Variants in CTNNB1 observed in about 807,000 individuals in gnomAD.
The protein encoded by CTNNB1 is catenin beta-1.
In CTNNB1, 6 loss-of-function variants were observed where a neutral mutation model predicts 82.5. That is an observed-to-expected ratio of 0.07 (90% CI 0.04 to 0.14). CTNNB1 has a LOEUF of 0.14. Ranked by LOEUF, CTNNB1 falls within the 10% of genes least tolerant of loss-of-function variation. The pLI is 1.00. For synonymous variants in CTNNB1, 312 were observed against 329.7 expected, an observed-to-expected ratio of 0.95 and a Z score of 0.58; for missense variants, 529 against 980.4, an observed-to-expected ratio of 0.54 and a Z score of 6.15.
intron 1 of CTNNB1, among the ~76,000 whole-genome samples, chr3:41,210,782 CTG>C (rs1315693248): frequency 2.0e-5 from 3 of 151,914 alleles, no homozygotes; most frequent in Admixed American, 2.0e-4. Flanking sequence ...CTGGACATAA[CTG>C]TATATGCTAT....
intron 1 of CTNNB1, among the ~76,000 whole-genome samples, chr3:41,210,179 C>T (rs1343649084): frequency 5.3e-5 from 8 of 152,072 alleles, no homozygotes; most frequent in African/African-American, 1.4e-4. Flanking sequence ...ATGGGCCAGG[C>T]GCGGTGGCTC....
chr3:41,233,349 C>G lies in CTNNB1; in HGVS notation c.1090C>G (p.Gln364Glu), dbSNP rs1559474040. Residue 364 changes from glutamine to glutamate, a missense_variant, in exon 8 of 15, where the codon CAA becomes GAA. This residue lies in a region of CTNNB1 where 411 missense variants were observed against 776.4 expected (regional missense o/e 0.53). Transcript: ENST00000349496. ...CCTTTTTAATTTTCTAGGTGGAATGCAAGCTTTAGGACTTCACCTGACAGA... is the reference window on the plus strand; with the variant it reads ...CCTTTTTAATTTTCTAGGTGGAATGGAAGCTTTAGGACTTCACCTGACAGA... Reference protein sequence around the residue: ...KPAIVEAGGMQALGLHLTDPS... With the variant: ...KPAIVEAGGMEALGLHLTDPS... The G allele has an allele frequency of 6.2e-7, 1 of 1,614,138 alleles. No homozygotes were observed. Among genetic ancestry groups the G allele is most frequent in the Non-Finnish European group, 8.5e-7 (1 of 1,180,002 alleles).
At chr3:41,208,534 A>T (rs2077701697) in intron 1 of CTNNB1, among the ~76,000 whole-genome samples, 2 of 152,168 alleles carry the variant, frequency 1.3e-5, no homozygotes, top group Non-Finnish European at 2.9e-5. Context: ...CATCAATCCC[A>T]TTGGGACCTA....
At chr3:41,226,393 A>T (rs1200836298) in intron 6 of CTNNB1, among the ~76,000 whole-genome samples, 2 of 152,182 alleles carry the variant, frequency 1.3e-5, no homozygotes, top group African/African-American at 4.8e-5. Flanking sequence ...GGCACATAAC[A>T]CAAGTTGAAA....
chr3:41,203,222 T>A (rs971408455), intron 1 of CTNNB1, among the ~76,000 whole-genome samples: 3 of 149,816 alleles, frequency 2.0e-5, no homozygotes, highest in African/African-American at 7.3e-5. Context: ...TTTTTTTTTT[T>A]AATTCCAAAC....
chr3:41,203,209 AT>A (rs112495114), intron 1 of CTNNB1, among the ~76,000 whole-genome samples: 37,670 of 146,532 alleles, frequency 0.26, 5,988 homozygotes, highest in Non-Finnish European at 0.37. Flanking sequence ...AATGCTTGTG[AT>A]TTTTTTTTTT....
chr3:41,236,322 T>C, intron 11 of CTNNB1, 27 bp from the exon 12 acceptor site: 1 of 1,614,110 alleles, frequency 6.2e-7, no homozygotes, highest in East Asian at 2.2e-5. Context: ...TAGATTTAAT[T>C]AGGTTTTGTT....
At chr3:41,220,203 T>C (rs983394321) in intron 1 of CTNNB1, among the ~76,000 whole-genome samples, 2 of 152,146 alleles carry the variant, frequency 1.3e-5, no homozygotes, top group Non-Finnish European at 2.9e-5. Context: ...TTTCTTTTTT[T>C]TTTCCATTTA....
At chr3:41,221,258 A>G (rs1330033631) in intron 1 of CTNNB1, 1 of 152,150 alleles carries the variant, frequency 6.6e-6, no homozygotes, top group Non-Finnish European at 1.5e-5. Context: ...CCTAGCCTAT[A>G]TAGTATAGCC....
chr3:41,234,337 G>C, intron 10 of CTNNB1, 40 bp downstream of exon 10: 30 of 1,607,400 alleles, frequency 1.9e-5, no homozygotes, highest in Non-Finnish European at 2.6e-5. Flanking sequence ...TATCTAAAAG[G>C]AATGCATAAA....
At chr3:41,239,067 G>A in intron 14 of CTNNB1, 67 bp from the exon 15 acceptor site, 3 of 1,347,824 alleles carry the variant, frequency 2.2e-6, no homozygotes, top group Non-Finnish European at 3.2e-6. Context: ...TAACGTCTAT[G>A]TCTGCTTCTC....
At chr3:41,234,379 A>G in intron 10 of CTNNB1, 82 bp downstream of exon 10, 2 of 1,399,042 alleles carry the variant, frequency 1.4e-6, no homozygotes, top group East Asian at 2.3e-5. Context: ...TTCTTTGGTC[A>G]TTGGTTCCCC....
chr3:41,206,356 A>G (rs576434614), intron 1 of CTNNB1, among the ~76,000 whole-genome samples: 1 of 152,204 alleles, frequency 6.6e-6, no homozygotes, highest in Non-Finnish European at 1.5e-5. Flanking sequence ...TGTTAGGTTT[A>G]GTGTGATAAG....
intron 1 of CTNNB1, among the ~76,000 whole-genome samples, chr3:41,207,960 A>G (rs1323867457): frequency 6.6e-6 from 1 of 152,088 alleles, no homozygotes; most frequent in Non-Finnish European, 1.5e-5. Context: ...ATTTTCCAAA[A>G]CTTCAAGCTT....
intron 1 of CTNNB1, among the ~76,000 whole-genome samples, chr3:41,200,835 G>A (rs1193161546): frequency 6.6e-6 from 1 of 152,192 alleles, no homozygotes; most frequent in Non-Finnish European, 1.5e-5. Flanking sequence ...CTTTTGGAGG[G>A]AGCGTTGTCT....
At chr3:41,203,035 C>CTTT (rs34745712) in intron 1 of CTNNB1, among the ~76,000 whole-genome samples, 7 of 136,750 alleles carry the variant, frequency 5.1e-5, no homozygotes, top group Admixed American at 1.5e-4. Flanking sequence ...GGTTTAGCCA[C>CTTT]TTTTTTTTTT....
chr3:41,236,522 C>T (rs2125646455), intron 12 of CTNNB1, 23 bp downstream of exon 12: 1 of 1,614,196 alleles, frequency 6.2e-7, no homozygotes, highest in Non-Finnish European at 8.5e-7. Context: ...GAACCAAAGC[C>T]TTTAGCAGAT....
chr3:41,217,224 C>T (rs1349926431), intron 1 of CTNNB1, among the ~76,000 whole-genome samples: 1 of 152,194 alleles, frequency 6.6e-6, no homozygotes, highest in African/African-American at 2.4e-5. Context: ...CCAGCTGCTC[C>T]TCCTCTGATG....
Position 41,239,558 on chromosome 3 carries a change from ATTAAC to A in CTNNB1, c.*219_*223del. ...TGTTATGTGATCATGTGTGGAAGTT[ATTAAC>A]TTTAATGTTTTTTGCCACAGCTTTT... is the stretch of plus-strand genomic sequence containing the variant. On this transcript the variant is annotated 3_prime_UTR_variant, in exon 15 of 15. Coordinates refer to ENST00000349496, the MANE Select transcript of CTNNB1 (RefSeq NM_001904.4). 3 of 583,954 alleles carry A rather than the reference ATTAAC, an allele frequency of 5.1e-6. No homozygotes were observed. The highest frequency in any genetic ancestry group is 6.1e-6 in the Non-Finnish European group (2 of 327,170). The allele number at this position is 583,954 out of a possible 1,614,324, so 36.2% of individuals were successfully genotyped here.
Sources: allele counts gnomAD v4.1 joint callset (sites outside exome capture counted in the v4.1 genomes callset), GRCh38; gene constraint gnomAD v4.1.1; regional missense constraint gnomAD v4.1.1; transcripts MANE v1.5; gene names NCBI Gene and HGNC (gene_info 2026-07-23, HGNC 2026-07-21).